HIRA: variants seen among roughly 807,000 people sequenced by gnomAD.
The protein encoded by HIRA is histone cell cycle regulator.
In HIRA, 13 loss-of-function variants were observed where a neutral mutation model predicts 126.6. The ratio of observed to expected loss-of-function variants is 0.10; its 90% CI spans 0.07 to 0.16. The LOEUF (loss-of-function observed/expected upper bound fraction) is 0.16, where lower values mean the gene tolerates loss of function less well. HIRA is among the 10% of genes least tolerant of loss of function. HIRA has a pLI of 1.00. For missense variants in HIRA, 834 were observed against 1,314.4 expected, an observed-to-expected ratio of 0.63 and a Z score of 5.65; for synonymous variants, 511 against 520.0, an observed-to-expected ratio of 0.98 and a Z score of 0.24.
intron 5 of HIRA, chr22:19,405,493 A>AT: frequency 4.1e-6 from 4 of 985,436 alleles, no homozygotes; most frequent in Non-Finnish European, 4.8e-6. Flanking sequence ...GAAGGTACTG[A>AT]TTCTGTTCAG....
chr22:19,361,599 C>T, intron 16 of HIRA, 128 bp downstream of exon 16: 2 of 913,718 alleles, frequency 2.2e-6, no homozygotes, highest in Non-Finnish European at 3.5e-6. Context: ...ATTCCAGGGG[C>T]TGCATGTCTA....
At chr22:19,378,172 A>G (rs568178048) in intron 13 of HIRA, 106 bp from the exon 14 acceptor site, 32 of 753,242 alleles carry the variant, frequency 4.2e-5, no homozygotes, top group Non-Finnish European at 6.3e-5. Flanking sequence ...GTATGTTTTC[A>G]TGATAGAAAA....
intron 24 of HIRA, among the ~76,000 whole-genome samples, chr22:19,347,955 A>G (rs538564069): frequency 6.6e-6 from 1 of 152,218 alleles, no homozygotes; most frequent in African/African-American, 2.4e-5. Context: ...AACAAACAAA[A>G]CAAACAAACA....
Position 19,379,626 on chromosome 22 carries a change from A to G in HIRA, c.1416-1560T>C, listed in dbSNP as rs553708539. On this transcript the variant is annotated intron_variant, in intron 13 of 24. Transcript: ENST00000263208. ...GGCAACAGAGTGAGACTTCGCCTCA[A>G]TTAAAAAAAAAAAAAAAGAAATACT... Among the ~76,000 whole-genome samples, 10 of 148,764 alleles carry G rather than the reference A, an allele frequency of 6.7e-5. No individual in the cohort carries two copies. The South Asian group carries it at 1.7e-3, about 25-fold the overall frequency.
chr22:19,386,475 C>T (rs189227567), intron 11 of HIRA, among the ~76,000 whole-genome samples: 7 of 152,382 alleles, frequency 4.6e-5, no homozygotes, highest in East Asian at 3.9e-4. Flanking sequence ...CTGTGGTTAA[C>T]AGGACATCTG....
intron 24 of HIRA, among the ~76,000 whole-genome samples, chr22:19,342,100 A>G (rs576297172): frequency 6.6e-6 from 1 of 152,340 alleles, no homozygotes; most frequent in East Asian, 1.9e-4. Context: ...CAAACAAATC[A>G]GCAAGATAAA....
At chr22:19,367,430 G>A (rs2088924287) in intron 15 of HIRA, among the ~76,000 whole-genome samples, 1 of 150,184 alleles carries the variant, frequency 6.7e-6, no homozygotes, top group African/African-American at 2.5e-5. Flanking sequence ...GCAGTGGTGT[G>A]ATCTTGGATC....
intron 5 of HIRA, among the ~76,000 whole-genome samples, chr22:19,404,203 T>C (rs1447562522): frequency 6.6e-6 from 1 of 152,224 alleles, no homozygotes; most frequent in African/African-American, 2.4e-5. Context: ...ATTTTTCTTC[T>C]TGAATGGTTC....
intron 12 of HIRA, among the ~76,000 whole-genome samples, chr22:19,384,855 A>C (rs1329885520): frequency 1.3e-5 from 2 of 150,652 alleles, no homozygotes; most frequent in East Asian, 3.9e-4. Flanking sequence ...AGGTTTCACC[A>C]TGTTGGCCAG....
chr22:19,401,349 G>GC (rs2089267215), intron 5 of HIRA, among the ~76,000 whole-genome samples: 1 of 152,114 alleles, frequency 6.6e-6, no homozygotes. Flanking sequence ...AGGCTGTTGA[G>GC]CTACTGGCCT....
intron 17 of HIRA, 111 bp from the exon 18 acceptor site, chr22:19,359,595 A>T: frequency 8.1e-7 from 1 of 1,240,516 alleles, no homozygotes; most frequent in Non-Finnish European, 1.1e-6. Flanking sequence ...ACAGAGGCAG[A>T]CTGGCTGGCC....
chr22:19,332,141 G>C (rs573013436), intron 24 of HIRA, among the ~76,000 whole-genome samples: 1 of 152,318 alleles, frequency 6.6e-6, no homozygotes, highest in African/African-American at 2.4e-5. Flanking sequence ...TGCCAGTTGG[G>C]GTCTCTGCTG....
intron 2 of HIRA, among the ~76,000 whole-genome samples, chr22:19,409,795 C>A (rs1445464369): frequency 6.6e-6 from 1 of 152,202 alleles, no homozygotes; most frequent in African/African-American, 2.4e-5. Flanking sequence ...GGTACAGGTG[C>A]GAACCCTCTG....
At chr22:19,410,547 G>C (rs927978003) in intron 2 of HIRA, among the ~76,000 whole-genome samples, 169 bp downstream of exon 2, 1 of 152,154 alleles carries the variant, frequency 6.6e-6, no homozygotes, top group Non-Finnish European at 1.5e-5. Context: ...AGCCATAAAA[G>C]GATTTTGATT....
At chr22:19,332,105 T>G (rs1240914860) in intron 24 of HIRA, among the ~76,000 whole-genome samples, 1 of 152,194 alleles carries the variant, frequency 6.6e-6, no homozygotes, top group Non-Finnish European at 1.5e-5. Flanking sequence ...TCAGGTCATA[T>G]TGGCACCACA....
chr22:19,359,360 C>A lies in HIRA; in HGVS notation c.2210G>T (p.Arg737Leu). The change falls in exon 18 of 25, where the codon CGG (arginine) becomes CTG (leucine). Residue 737 changes from arginine to leucine, a missense_variant. Around this residue, in one of 5 missense-constraint regions of HIRA, gnomAD observed 468 missense variants for 574.2 expected, o/e 0.82. Transcript: ENST00000263208. ...CCAGCTGCCCGCAGCAGTGAGGATC[C>A]GGCTGGTGAGTACCGTCTCCCACTC... ...GKEWETVLTS[R>L]ILTAAGSCDV... 1 of 1,600,590 alleles carries A rather than the reference C, an allele frequency of 6.2e-7. No homozygotes were observed. The highest frequency in any genetic ancestry group is 8.5e-7 in the Non-Finnish European group (1 of 1,173,754).
chr22:19,389,676 A>G (rs2089160148), intron 9 of HIRA, among the ~76,000 whole-genome samples: 2 of 152,062 alleles, frequency 1.3e-5, no homozygotes, highest in Non-Finnish European at 2.9e-5. Context: ...TCAGAAATCT[A>G]CAGGCCGTGT....
At chr22:19,335,421 T>C (rs1327181893) in intron 24 of HIRA, among the ~76,000 whole-genome samples, 2 of 152,134 alleles carry the variant, frequency 1.3e-5, no homozygotes, top group African/African-American at 2.4e-5. Context: ...ATTTTTGTAT[T>C]TCTAGTAGAG....
chr22:19,358,778 A>T (rs1476863301), intron 18 of HIRA, among the ~76,000 whole-genome samples: 1 of 152,086 alleles, frequency 6.6e-6, no homozygotes, highest in Non-Finnish European at 1.5e-5. Flanking sequence ...ACCTGAGGAG[A>T]AACATTGGTT....
Sources: allele counts gnomAD v4.1 joint callset (sites outside exome capture counted in the v4.1 genomes callset), GRCh38; gene constraint gnomAD v4.1.1; regional missense constraint gnomAD v4.1.1; transcripts MANE v1.5; gene names NCBI Gene and HGNC (gene_info 2026-07-23, HGNC 2026-07-21).